Variants in PI4K2A observed in about 807,000 individuals in gnomAD.
PI4K2A encodes the protein phosphatidylinositol 4-kinase type 2-alpha.
Under a neutral mutation model 55.0 loss-of-function variants are expected in PI4K2A, and 20 were observed. The observed-to-expected ratio is 0.36, with a 90% confidence interval of 0.26 to 0.53. PI4K2A has a LOEUF of 0.53. PI4K2A is among the 20% of genes least tolerant of loss of function. The pLI, the probability that PI4K2A is intolerant of heterozygous loss-of-function variation, is 0.91. For missense variants in PI4K2A, 463 were observed against 637.1 expected (o/e 0.73, Z 2.94); for synonymous variants, 235 against 258.5 (o/e 0.91, Z 0.87).
intron 1 of PI4K2A, among the ~76,000 whole-genome samples, 165 bp from the exon 2 acceptor site, chr10:97,650,776 G>A (rs1290239090): frequency 6.6e-6 from 1 of 152,210 alleles, no homozygotes; most frequent in Non-Finnish European, 1.5e-5. Context: ...CTGCACACAC[G>A]AGCTGGTGTC....
chr10:97,673,875 G>C, exon 9 of PI4K2A: 1 of 754,774 alleles, frequency 1.3e-6, no homozygotes, highest in South Asian at 1.8e-5. Flanking sequence ...TTGCCACCCT[G>C]CTCAGAGCTT....
chr10:97,672,733 T>TTTG (rs2041642564), intron 8 of PI4K2A, among the ~76,000 whole-genome samples: 2 of 136,032 alleles, frequency 1.5e-5, no homozygotes, highest in South Asian at 2.5e-4. Flanking sequence ...TTCTTTTTTT[T>TTTG]TTTTTTTTTT....
Position 97,656,795 on chromosome 10 carries a change from C to G in PI4K2A, c.769-26C>G, listed in dbSNP as rs2041556980. 6.2e-7 allele frequency: 1 copy of G among 1,612,454 alleles called. No homozygotes were observed. Among genetic ancestry groups the G allele is most frequent in the South Asian group, 1.1e-5 (1 of 90,996 alleles). ...TTTGGATTTGGGCAGTAGGGAAAAA[C>G]CTTTGTTCCTTCCTCTTGGTTCCAG... On this transcript the variant is annotated intron_variant, in intron 3 of 8. Transcript: ENST00000370631. This position sits in a 1 kb window ranked among gnomAD's most constrained non-coding sequence, Gnocchi z 4.5.
chr10:97,647,863 G>C (rs2041512734), intron 1 of PI4K2A, among the ~76,000 whole-genome samples: 1 of 151,804 alleles, frequency 6.6e-6, no homozygotes, highest in Non-Finnish European at 1.5e-5. Flanking sequence ...TGTTTGAGAG[G>C]TCAGTCTTTA....
At chr10:97,649,277 C>T (rs1469382957) in intron 1 of PI4K2A, among the ~76,000 whole-genome samples, 1 of 152,094 alleles carries the variant, frequency 6.6e-6, no homozygotes, top group East Asian at 1.9e-4. Flanking sequence ...AGTTTGGGGA[C>T]TGGAGGGAAT....
At chr10:97,672,244 T>C (rs879639434) in intron 8 of PI4K2A, among the ~76,000 whole-genome samples, 2 of 151,246 alleles carry the variant, frequency 1.3e-5, no homozygotes, top group Non-Finnish European at 2.9e-5. Context: ...GGTTTTACCA[T>C]GTTGGCCAGG....
At chr10:97,661,517 C>A (rs907019715) in intron 4 of PI4K2A, among the ~76,000 whole-genome samples, 2 of 150,524 alleles carry the variant, frequency 1.3e-5, no homozygotes, top group Non-Finnish European at 3.0e-5. Context: ...TGGTTAATAT[C>A]TTTCCTTTCT....
chr10:97,648,872 T>C (rs1010813769), intron 1 of PI4K2A, among the ~76,000 whole-genome samples: 3 of 152,224 alleles, frequency 2.0e-5, no homozygotes, highest in Non-Finnish European at 4.4e-5. Context: ...TGAAGACTTA[T>C]GATGTGAATA....
intron 8 of PI4K2A, among the ~76,000 whole-genome samples, chr10:97,669,019 C>G (rs945911122): frequency 3.9e-5 from 6 of 152,112 alleles, no homozygotes; most frequent in Admixed American, 2.6e-4. Context: ...GTGCATGGCA[C>G]CACACCTGGC....
At chr10:97,640,979 G>C in exon 1 of PI4K2A, 1 of 1,527,442 alleles carries the variant, frequency 6.5e-7, no homozygotes, top group Non-Finnish European at 8.7e-7. Context: ...CCGTGGCGGC[G>C]CAGGCCCAGG....
At chr10:97,663,547 C>A (rs1310201167) in intron 5 of PI4K2A, among the ~76,000 whole-genome samples, 2 of 149,566 alleles carry the variant, frequency 1.3e-5, no homozygotes, top group Non-Finnish European at 3.0e-5. Flanking sequence ...CAGGGTTGGC[C>A]GGGCATGGTG....
chr10:97,666,159 C>T (rs1051841125), intron 6 of PI4K2A, among the ~76,000 whole-genome samples: 2 of 152,140 alleles, frequency 1.3e-5, no homozygotes, highest in African/African-American at 4.8e-5. Context: ...ACCATCTCAG[C>T]GTCTCAGTGG....
In PI4K2A at chr10:97,656,781, G is replaced by A. The variant is rs368353927; in HGVS notation, c.769-40G>A. ...ATACTCCAAAGGTCTTTGGATTTGG[G>A]CAGTAGGGAAAAACCTTTGTTCCTT... is the stretch of plus-strand genomic sequence containing the variant. On this transcript the variant is annotated intron_variant, in intron 3 of 8. Transcript: ENST00000370631. This position sits in a 1 kb window ranked among gnomAD's most constrained non-coding sequence, Gnocchi z 4.5. 22 of 1,601,022 alleles carry A rather than the reference G, an allele frequency of 1.4e-5. No individual in the cohort carries two copies. The highest frequency in any genetic ancestry group is 1.9e-5 in the Non-Finnish European group (22 of 1,168,922).
intron 8 of PI4K2A, among the ~76,000 whole-genome samples, chr10:97,669,332 A>G (rs1468396135): frequency 6.6e-6 from 1 of 152,226 alleles, no homozygotes; most frequent in Non-Finnish European, 1.5e-5. Context: ...AGCATAAAGG[A>G]GTAAACTGGC....
exon 1 of PI4K2A, chr10:97,640,715 C>T (rs377255840): frequency 1.4e-4 from 200 of 1,442,224 alleles, no homozygotes; most frequent in Non-Finnish European, 1.7e-4. Context: ...GTGGAGCGCG[C>T]CGGGTCCCGG....
chr10:97,664,699 C>T (rs1337529737), intron 5 of PI4K2A, among the ~76,000 whole-genome samples, 186 bp from the exon 6 acceptor site: 1 of 152,148 alleles, frequency 6.6e-6, no homozygotes, highest in African/African-American at 2.4e-5. Context: ...GAACAAGAGC[C>T]AGGTCAGAGG....
intron 8 of PI4K2A, among the ~76,000 whole-genome samples, chr10:97,673,000 T>G (rs1424668421): frequency 2.0e-5 from 3 of 152,032 alleles, no homozygotes; most frequent in African/African-American, 7.2e-5. Context: ...CTTTTTGTTT[T>G]TTGAGATGGA....
chr10:97,651,251 T>C (rs2041528951), intron 2 of PI4K2A, 110 bp downstream of exon 2: 1 of 729,822 alleles, frequency 1.4e-6, no homozygotes, highest in Non-Finnish European at 2.3e-6. Context: ...ATTTATACCC[T>C]AAGTCTGGGT....
chr10:97,672,722 GTTCTTTTT>G (rs1208627874), intron 8 of PI4K2A, among the ~76,000 whole-genome samples: 3 of 94,806 alleles, frequency 3.2e-5, no homozygotes, highest in South Asian at 3.1e-4. Context: ...CAGAGGGTCT[GTTCTTTTT>G]TTTTTTTTTT....
Sources: allele counts gnomAD v4.1 joint callset (sites outside exome capture counted in the v4.1 genomes callset), GRCh38; gene constraint gnomAD v4.1.1; non-coding constraint Gnocchi (gnomAD v3.1); transcripts MANE v1.5; gene names NCBI Gene and HGNC (gene_info 2026-07-23, HGNC 2026-07-21).